Variants in DNAH1 observed in about 807,000 individuals in gnomAD.
DNAH1 encodes dynein axonemal heavy chain 1.
In DNAH1, 327 loss-of-function variants were observed where a neutral mutation model predicts 484.3. The ratio of observed to expected loss-of-function variants is 0.68; its 90% CI spans 0.62 to 0.74. DNAH1 has a LOEUF of 0.74. Ranked by LOEUF, DNAH1 falls within the 30% of genes least tolerant of loss-of-function variation. DNAH1 has a pLI of 0.00. For synonymous variants in DNAH1, 2,192 were observed against 2,191.9 expected (o/e 1.00, Z 0.00); for missense variants, 5,052 against 5,546.8 (o/e 0.91, Z 2.83).
intron 44 of DNAH1, chr3:52,374,403 A>G: frequency 7.5e-7 from 1 of 1,328,646 alleles, no homozygotes; most frequent in Non-Finnish European, 1.1e-6. Flanking sequence ...CAGCACCCCC[A>G]CAGAACCAGT....
chr3:52,383,362 C>A, intron 50 of DNAH1, 24 bp from the exon 51 acceptor site: 1 of 1,607,692 alleles, frequency 6.2e-7, no homozygotes, highest in East Asian at 2.2e-5. Context: ...GGGCTTAGCT[C>A]CCCACTCCTT....
At chr3:52,350,732 G>A in intron 16 of DNAH1, 142 bp downstream of exon 16, 2 of 834,830 alleles carry the variant, frequency 2.4e-6, no homozygotes, top group Non-Finnish European at 3.9e-6. Context: ...CAGAGGCCAG[G>A]GCTCCACACA....
In DNAH1 at chr3:52,383,855, T is replaced by C. The variant is rs1338923959; in HGVS notation, c.8151-5T>C. The C allele has an allele frequency of 6.3e-7, 1 of 1,584,218 alleles. No individual in the cohort carries two copies. Among genetic ancestry groups the C allele is most frequent in the Non-Finnish European group, 8.6e-7 (1 of 1,161,764 alleles). The stretch of plus-strand genomic sequence containing the variant: ...TGGACCTCATTTGGATTCCTGACTT[T>C]CCAGCCCCATCGGAGAGGTCTTCCG... On this transcript the variant is annotated splice_polypyrimidine_tract_variant and splice_region_variant and intron_variant, in intron 51 of 77. Transcript: ENST00000420323.
Position 52,388,283 on chromosome 3 carries a change from G to A in DNAH1, c.9120G>A (p.Val3040=), listed in dbSNP as rs1197779505. The change falls in exon 57 of 78, where the codon GTG becomes GTA. Residue 3040 remains valine (V), a synonymous_variant. Coordinates refer to ENST00000420323, the MANE Select transcript of DNAH1 (RefSeq NM_015512.5). ...CTTGCACCTCCATCTGCCAGTGGGT[G>A]CGCGCCATGCACAAGTACCACTTTG... ...SKACTSICQW[V]RAMHKYHFVA... The A allele has an allele frequency of 3.7e-6, 6 of 1,601,566 alleles. No homozygotes were observed. The highest frequency in any genetic ancestry group is 2.3e-5 in the South Asian group (2 of 88,718).
rs773416634 is a variant in DNAH1, at chr3:52,353,321, A to G, written c.3226+20A>G. 3 of 1,609,784 alleles carry G rather than the reference A, an allele frequency of 1.9e-6. No homozygotes were observed. The highest frequency in any genetic ancestry group is 2.5e-6 in the Non-Finnish European group (3 of 1,176,888). ...TGCCAGGTAGGGAGCCAAGCCGGCC[A>G]ATCCCCTCCTCCCTGCCTCTGCCGC... On this transcript the variant is annotated intron_variant, in intron 19 of 77. Transcript: ENST00000420323. The surrounding 1 kb of genome is among the most constrained non-coding windows in gnomAD (Gnocchi z 5.0).
Position 52,350,542 on chromosome 3 carries a change from T to A in DNAH1, c.2681T>A (p.Val894Asp). ...GTGAAGGTCATGGATGACTACCAGGTCATGGATGAATTCCTCTACAACCTC... is the reference window on the plus strand; with the variant it reads ...GTGAAGGTCATGGATGACTACCAGGACATGGATGAATTCCTCTACAACCTC... ...RIVKVMDDYQ[V>D]MDEFLYNLSS... Residue 894 changes from valine to aspartate, a missense_variant, in exon 16 of 78, where the codon GTC becomes GAC. Val to Asp is a radical substitution (Grantham distance 152). Around this residue, in one of 4 missense-constraint regions of DNAH1, gnomAD observed 1,263 missense variants for 1,218.8 expected, o/e 1.04. Coordinates refer to ENST00000420323, the MANE Select transcript of DNAH1 (RefSeq NM_015512.5). 1 of 1,613,916 alleles carries A rather than the reference T, an allele frequency of 6.2e-7. No homozygotes were observed. Among genetic ancestry groups the A allele is most frequent in the South Asian group, 1.1e-5 (1 of 91,066 alleles).
At chr3:52,398,195 A>G in intron 75 of DNAH1, 33 bp downstream of exon 75, 1 of 1,585,802 alleles carries the variant, frequency 6.3e-7, no homozygotes, top group African/African-American at 1.3e-5. Context: ...GCCCCGAGTC[A>G]GCGGCCACTG....
chr3:52,323,307 G>A (rs776136317), intron 2 of DNAH1, among the ~76,000 whole-genome samples: 6 of 152,022 alleles, frequency 3.9e-5, no homozygotes, highest in South Asian at 2.1e-4. Context: ...GGGAGAGATC[G>A]AGGGAGGAGG....
rs1439137576 is a variant in DNAH1 at position 52,399,061 on chromosome 3, C to A, written c.12301C>A (p.Gln4101Lys). Residue 4101 changes from glutamine (Q) to lysine (K), a missense_variant, in exon 76 of 78, where the codon CAG (glutamine) becomes AAG (lysine). By Grantham distance (53) the Gln-to-Lys change is moderately conservative. This residue lies in a region of DNAH1 where 853 missense variants were observed against 899.0 expected (regional missense o/e 0.95). Coordinates refer to ENST00000420323, the MANE Select transcript of DNAH1 (RefSeq NM_015512.5). ...MDLLQRLDFL[Q>K]AWIQDGIPAV... ...CCTGCTGCAACGCCTGGACTTTCTG[C>A]AGGCCTGGATCCAAGATGGCATCCC... 1 of 1,614,066 alleles carries A rather than the reference C, an allele frequency of 6.2e-7. No individual in the cohort carries two copies. Among genetic ancestry groups the A allele is most frequent in the Non-Finnish European group, 8.5e-7 (1 of 1,179,904 alleles).
chr3:52,339,804 C>CTG (rs59262545), intron 8 of DNAH1, among the ~76,000 whole-genome samples: 17,483 of 146,510 alleles, frequency 0.12, 1,070 homozygotes, highest in Non-Finnish European at 0.14. Context: ...GTGTGTGTGT[C>CTG]TGTGTGTGTG....
chr3:52,341,890 C>T (rs961279281), intron 8 of DNAH1, among the ~76,000 whole-genome samples: 12 of 152,120 alleles, frequency 7.9e-5, no homozygotes, highest in Non-Finnish European at 1.8e-4. Context: ...ACACTGGGTA[C>T]AGAGGAGTGA....
intron 3 of DNAH1, 24 bp from the exon 4 acceptor site, chr3:52,326,116 C>G: frequency 6.4e-7 from 1 of 1,551,828 alleles, no homozygotes; most frequent in Non-Finnish European, 8.7e-7. Context: ...GCCCTGAAGC[C>G]CCTGCCCCTG....
intron 36 of DNAH1, 88 bp downstream of exon 36, chr3:52,366,975 C>CGGCCTTCCACTGGGCT: frequency 6.8e-7 from 1 of 1,469,740 alleles, no homozygotes; most frequent in Non-Finnish European, 9.2e-7. Context: ...TCCATTAGCC[C>CGGCCTTCCACTGGGCT]AGTGGAAGGC....
chr3:52,361,344 C>A lies in DNAH1; in HGVS notation c.4866C>A (p.Gly1622=). The change falls in exon 29 of 78, where the codon GGC becomes GGA. Residue 1622 remains glycine, a synonymous_variant. Coordinates refer to ENST00000420323, the MANE Select transcript of DNAH1 (RefSeq NM_015512.5). This position sits in a 1 kb window ranked among gnomAD's most constrained non-coding sequence, Gnocchi z 5.6. ...TGGCCATGGGCAAGTTCTTCAAGGG[C>A]CTGGCCAGGTGAGGCTGGGCATGAG... ...DFMAMGKFFK[G]LASAGAWACF... is the part of the protein sequence containing the mutation. 1 of 1,585,050 alleles carries A rather than the reference C, an allele frequency of 6.3e-7. No homozygotes were observed. The highest frequency in any genetic ancestry group is 8.6e-7 in the Non-Finnish European group (1 of 1,165,034).
At chr3:52,340,765 T>G (rs1197566484) in intron 8 of DNAH1, among the ~76,000 whole-genome samples, 2 of 152,184 alleles carry the variant, frequency 1.3e-5, no homozygotes, top group Non-Finnish European at 2.9e-5. Flanking sequence ...ATCTTAGGGT[T>G]ACCACTATTT....
At chr3:52,354,348 A>G (rs1702518956) in intron 20 of DNAH1, among the ~76,000 whole-genome samples, 1 of 152,150 alleles carries the variant, frequency 6.6e-6, no homozygotes, top group Non-Finnish European at 1.5e-5. Context: ...GTAACAGTGA[A>G]CTGGGCTGAA....
intron 8 of DNAH1, among the ~76,000 whole-genome samples, chr3:52,335,027 C>T (rs1701687686): frequency 6.6e-6 from 1 of 151,782 alleles, no homozygotes; most frequent in South Asian, 2.1e-4. Flanking sequence ...GTCTCGATCT[C>T]CTGACCTCGT....
At chr3:52,311,441 G>A (rs1700748264), upstream of DNAH1, among the ~76,000 whole-genome samples, 1 of 152,156 alleles carries the variant, frequency 6.6e-6, no homozygotes, top group Non-Finnish European at 1.5e-5. Flanking sequence ...TCACAGATGG[G>A]AAAATGAGGC....
chr3:52,393,410 C>G lies in DNAH1; in HGVS notation c.10551C>G (p.Leu3517=). 6.2e-7 allele frequency: 1 copy of G among 1,614,068 alleles called. No individual in the cohort carries two copies. Among genetic ancestry groups the G allele is most frequent in the Non-Finnish European group, 8.5e-7 (1 of 1,179,906 alleles). ...YSLYSNVCRS[L]FEKHKLMFAF... ...TCTACAGCAACGTCTGCCGCAGCCT[C>G]TTTGAGAAGCACAAGCTGATGTTTG... is the stretch of plus-strand genomic sequence containing the variant. Residue 3517 remains leucine, a synonymous_variant, in exon 66 of 78, where the codon CTC becomes CTG. Coordinates refer to ENST00000420323, the MANE Select transcript of DNAH1 (RefSeq NM_015512.5).
Sources: gnomAD v4.1 joint callset for allele counts (sites outside exome capture counted in the v4.1 genomes callset) on GRCh38, gnomAD v4.1.1 for gene constraint, gnomAD v4.1.1 regional missense constraint, Gnocchi (gnomAD v3.1) non-coding constraint, MANE v1.5 for transcripts, NCBI Gene and HGNC (gene_info 2026-07-23, HGNC 2026-07-21) for gene names.